SENP6: variants seen among roughly 807,000 people sequenced by gnomAD.
SENP6 encodes SUMO specific peptidase 6.
Under a neutral mutation model 134.5 loss-of-function variants are expected in SENP6, and 41 were observed. The observed-to-expected ratio is 0.30, with a 90% CI of 0.24 to 0.40. The LOEUF (loss-of-function observed/expected upper bound fraction) is 0.40, where lower values mean the gene tolerates loss of function less well. Ranked by LOEUF, SENP6 falls within the 10% of genes least tolerant of loss-of-function variation. SENP6 has a pLI of 1.00. For synonymous variants in SENP6, 395 were observed against 429.8 expected, an observed-to-expected ratio of 0.92 and a Z score of 1.00; for missense variants, 1,248 against 1,312.5, an observed-to-expected ratio of 0.95 and a Z score of 0.76.
chr6:75,617,169 G>A (rs1408570698), intron 1 of SENP6, among the ~76,000 whole-genome samples: 1 of 151,046 alleles, frequency 6.6e-6, no homozygotes, highest in African/African-American at 2.4e-5. Context: ...ATGAGCCACT[G>A]CACCCAGCCT....
At chr6:75,686,675 C>G (rs920537415) in intron 16 of SENP6, among the ~76,000 whole-genome samples, 1 of 152,130 alleles carries the variant, frequency 6.6e-6, no homozygotes, top group African/African-American at 2.4e-5. Context: ...TGGCTAGATA[C>G]GAAATTCTGG....
intron 1 of SENP6, among the ~76,000 whole-genome samples, chr6:75,605,115 G>A (rs915164469): frequency 6.6e-6 from 1 of 152,204 alleles, no homozygotes; most frequent in South Asian, 2.1e-4. Context: ...TGCATATTTT[G>A]TATTACCAGG....
At position 75,702,761 on chromosome 6, in the gene SENP6, G is replaced by A. The variant is rs763492598; in HGVS notation, c.2405G>A (p.Ser802Asn). 9.3e-6 allele frequency: 15 copies of A among 1,614,046 alleles called. No homozygotes were observed. The highest frequency in any genetic ancestry group is 1.3e-5 in the Non-Finnish European group (15 of 1,179,976). ...VIQKCSTVED[S>N]CISSSASEME... ...CAGAAATGTTCAACTGTAGAGGACA[G>A]TTGTATTTCTTCTTCAGCCAGTGAA... Residue 802 changes from serine (S) to asparagine (N), a missense_variant, in exon 19 of 24, where the codon AGT becomes AAT. Around this residue, in one of 3 missense-constraint regions of SENP6, gnomAD observed 386 missense variants for 395.0 expected, o/e 0.98. Transcript: ENST00000447266.
intron 1 of SENP6, among the ~76,000 whole-genome samples, chr6:75,615,284 A>T (rs1010411907): frequency 1.3e-5 from 2 of 152,084 alleles, no homozygotes; most frequent in Non-Finnish European, 2.9e-5. Context: ...GGTTCAAGCG[A>T]TTCTCCTGTG....
intron 1 of SENP6, among the ~76,000 whole-genome samples, chr6:75,620,439 A>C (rs1387760934): frequency 6.6e-6 from 1 of 152,072 alleles, no homozygotes; most frequent in African/African-American, 2.4e-5. Context: ...CCACTTTTTC[A>C]CAAATGGTGC....
intron 4 of SENP6, 136 bp downstream of exon 4, chr6:75,633,862 A>G (rs1004596059): frequency 1.8e-6 from 1 of 570,054 alleles, no homozygotes; most frequent in Non-Finnish European, 2.8e-6. Context: ...GCATGGTCCC[A>G]GTATGTGGAT....
At chr6:75,610,452 A>G (rs1426916633) in intron 1 of SENP6, among the ~76,000 whole-genome samples, 1 of 152,232 alleles carries the variant, frequency 6.6e-6, no homozygotes, top group African/African-American at 2.4e-5. Context: ...TGCCATCATC[A>G]GGTAATAAAA....
chr6:75,630,086 T>C (rs948927311), intron 3 of SENP6, among the ~76,000 whole-genome samples: 5 of 148,136 alleles, frequency 3.4e-5, no homozygotes, highest in African/African-American at 5.0e-5. Flanking sequence ...TTTTTTTTTT[T>C]GAGATGGAGT....
intron 16 of SENP6, among the ~76,000 whole-genome samples, chr6:75,687,380 C>T (rs1299323571): frequency 6.6e-6 from 1 of 152,160 alleles, no homozygotes; most frequent in Non-Finnish European, 1.5e-5. Flanking sequence ...TATTACTGAC[C>T]TCCTGAAGCC....
At chr6:75,654,119 G>A (rs1312008387) in intron 7 of SENP6, among the ~76,000 whole-genome samples, 1 of 152,182 alleles carries the variant, frequency 6.6e-6, no homozygotes, top group Non-Finnish European at 1.5e-5. Context: ...AGCTACTCAA[G>A]AGGCAGAGGT....
chr6:75,648,407 G>A (rs563880732), intron 7 of SENP6, among the ~76,000 whole-genome samples: 1 of 152,028 alleles, frequency 6.6e-6, no homozygotes, highest in African/African-American at 2.4e-5. Flanking sequence ...GTTTTTCTGA[G>A]GCCTTTGTTT....
In SENP6 at chr6:75,623,966, T is replaced by G. The variant is rs575849203; in HGVS notation, c.207+6T>G. On this transcript the variant is annotated splice_donor_region_variant and intron_variant, in intron 3 of 23. Coordinates refer to ENST00000447266, the MANE Select transcript of SENP6 (RefSeq NM_015571.4). ...AAACCTCAAAAGGAAAAAAGGCAAG[T>G]GTTGCTTAAAATATTTTCTTCTTTT... 6.2e-7 allele frequency: 1 copy of G among 1,602,138 alleles called. No homozygotes were observed. The highest frequency in any genetic ancestry group is 1.3e-5 in the African/African-American group (1 of 74,636).
At chr6:75,699,524 G>T (rs1378165142) in intron 18 of SENP6, among the ~76,000 whole-genome samples, 2 of 151,838 alleles carry the variant, frequency 1.3e-5, no homozygotes, top group Non-Finnish European at 2.9e-5. Flanking sequence ...GTCTCTGTCT[G>T]TCACTCAGGC....
chr6:75,663,649 A>C, intron 9 of SENP6, 131 bp downstream of exon 9: 2 of 693,742 alleles, frequency 2.9e-6, no homozygotes, highest in Non-Finnish European at 4.5e-6. Flanking sequence ...TCTTGTTCTC[A>C]TCCTGTCCAT....
intron 7 of SENP6, among the ~76,000 whole-genome samples, chr6:75,658,465 T>C (rs531059007): frequency 1.3e-5 from 2 of 152,276 alleles, no homozygotes; most frequent in African/African-American, 2.4e-5. Context: ...TCTTCACTTA[T>C]GTTTTAGAAA....
chr6:75,686,961 A>T (rs1773885878), intron 16 of SENP6, among the ~76,000 whole-genome samples: 1 of 152,200 alleles, frequency 6.6e-6, no homozygotes, highest in South Asian at 2.1e-4. Flanking sequence ...AGGCTGGGGA[A>T]GTTCTCCTGG....
At chr6:75,663,819 T>TTGGG (rs1771965280) in intron 9 of SENP6, among the ~76,000 whole-genome samples, 2 of 90,772 alleles carry the variant, frequency 2.2e-5, no homozygotes, top group African/African-American at 5.7e-5. Flanking sequence ...TTTTTTTTTT[T>TTGGG]GTGGGGGGGG....
chr6:75,612,015 T>C (rs1767487040), intron 1 of SENP6: 1 of 152,204 alleles, frequency 6.6e-6, no homozygotes, highest in Admixed American at 6.5e-5. Flanking sequence ...TAGTGATCTA[T>C]TAGTTTGTCT....
chr6:75,612,519 CAG>C lies in SENP6; in HGVS notation c.53-9010_53-9009del, dbSNP rs1582660235. Among the ~76,000 whole-genome samples the C allele has an allele frequency of 2.0e-5, 3 of 152,096 alleles. No individual in the cohort carries two copies. The East Asian group carries it at 5.8e-4, about 29-fold the overall frequency. On this transcript the variant is annotated intron_variant, in intron 1 of 23. Transcript: ENST00000447266. Reference sequence around the variant, plus strand: ...GCTGATTTTTTTATTTTTGTAGAGACAGAGTGTCACTATGCTGCTCAGGCTGC... The same window carrying C: ...GCTGATTTTTTTATTTTTGTAGAGACAGTGTCACTATGCTGCTCAGGCTGC...
Sources: allele counts gnomAD v4.1 joint callset (sites outside exome capture counted in the v4.1 genomes callset), GRCh38; gene constraint gnomAD v4.1.1; regional missense constraint gnomAD v4.1.1; transcripts MANE v1.5; gene names NCBI Gene and HGNC (gene_info 2026-07-23, HGNC 2026-07-21).